Variants in TRPM3 observed in about 807,000 individuals in gnomAD.
The protein encoded by TRPM3 is transient receptor potential cation channel subfamily M member 3.
Under a neutral mutation model 181.2 loss-of-function variants are expected in TRPM3, and 77 were observed. The observed-to-expected ratio is 0.42, with a 90% confidence interval of 0.35 to 0.51. The LOEUF (loss-of-function observed/expected upper bound fraction) is 0.51, where lower values mean the gene tolerates loss of function less well. Ranked by LOEUF, TRPM3 falls within the 20% of genes least tolerant of loss-of-function variation. The pLI, the probability that TRPM3 is intolerant of heterozygous loss-of-function variation, is 0.01. For synonymous variants in TRPM3, 745 were observed against 796.4 expected (o/e 0.94, Z 1.09); for missense variants, 1,759 against 2,196.7 (o/e 0.80, Z 3.98).
intron 6 of TRPM3, among the ~76,000 whole-genome samples, chr9:70,788,805 C>G (rs571344464): frequency 6.6e-6 from 1 of 152,064 alleles, no homozygotes; most frequent in Non-Finnish European, 1.5e-5. Context: ...ATAAGGAGCA[C>G]GCAACCTAGA....
At chr9:70,831,682 T>C (rs2131759080) in intron 5 of TRPM3, among the ~76,000 whole-genome samples, 2 of 151,934 alleles carry the variant, frequency 1.3e-5, no homozygotes, top group Middle Eastern at 3.4e-3. Flanking sequence ...CTGAATGGTG[T>C]CTGAAAGGGC....
chr9:70,564,819 C>T (rs955568931), intron 22 of TRPM3, among the ~76,000 whole-genome samples: 23 of 152,184 alleles, frequency 1.5e-4, no homozygotes, highest in African/African-American at 5.5e-4. Context: ...CAATGTGGCT[C>T]CTAATATTCA....
At chr9:71,070,173 G>T (rs1023179147) in intron 1 of TRPM3, among the ~76,000 whole-genome samples, 1 of 152,178 alleles carries the variant, frequency 6.6e-6, no homozygotes, top group Non-Finnish European at 1.5e-5. Context: ...TCAGTAATTT[G>T]TTTCTGAAAT....
intron 24 of TRPM3, 100 bp from the exon 25 acceptor site, chr9:70,549,774 G>C: frequency 7.9e-7 from 1 of 1,258,128 alleles, no homozygotes; most frequent in Non-Finnish European, 1.1e-6. Context: ...ATCTAGGTGG[G>C]AAAAGGGGCC....
At chr9:71,301,243 A>G (rs1316984847) in intron 1 of TRPM3, among the ~76,000 whole-genome samples, 1 of 152,146 alleles carries the variant, frequency 6.6e-6, no homozygotes, top group Non-Finnish European at 1.5e-5. Context: ...CACCCTGTCC[A>G]AGAGCACCCA....
intron 1 of TRPM3, among the ~76,000 whole-genome samples, chr9:71,352,451 T>C (rs2091695343): frequency 1.3e-5 from 2 of 152,162 alleles, no homozygotes; most frequent in African/African-American, 2.4e-5. Context: ...TGATTCTCTG[T>C]TTATGTTCTT....
At chr9:71,404,359 T>C (rs896209298) in intron 1 of TRPM3, among the ~76,000 whole-genome samples, 1 of 152,240 alleles carries the variant, frequency 6.6e-6, no homozygotes, top group Non-Finnish European at 1.5e-5. Context: ...CTTAATCAGA[T>C]GCATTTCCAC....
chr9:71,269,668 T>A (rs570695637), intron 1 of TRPM3, among the ~76,000 whole-genome samples: 118 of 152,334 alleles, frequency 7.7e-4, no homozygotes, highest in African/African-American at 2.2e-3. Flanking sequence ...GAGTGAGTGA[T>A]GCCCTACATC....
chr9:71,291,572 C>A (rs905054168), intron 1 of TRPM3, among the ~76,000 whole-genome samples: 3 of 152,058 alleles, frequency 2.0e-5, no homozygotes, highest in African/African-American at 7.2e-5. Context: ...TCAAAATAGA[C>A]CCTAAGGCAA....
rs547864987 is a variant in TRPM3 at position 70,661,955 on chromosome 9, C to A, written c.1345+19551G>T. Among the ~76,000 whole-genome samples, 130 of 152,194 alleles carry A rather than the reference C, an allele frequency of 8.5e-4. 1 individual carries two copies. Among genetic ancestry groups the A allele is most frequent in the Non-Finnish European group, 2.9e-4 (20 of 67,972 alleles). On this transcript the variant is annotated intron_variant, in intron 9 of 25. Coordinates refer to ENST00000677713, the MANE Select transcript of TRPM3 (RefSeq NM_001366145.2). ...TCATATGGAAGCAAAAAAGATCCCA[C>A]ATAGCCAAAGAAATACTAAGCTGAA... is the stretch of plus-strand genomic sequence containing the variant.
intron 1 of TRPM3, among the ~76,000 whole-genome samples, chr9:71,364,387 C>A (rs1337447326): frequency 6.6e-6 from 1 of 152,226 alleles, no homozygotes; most frequent in South Asian, 2.1e-4. Flanking sequence ...AAATGGGATA[C>A]TCTTCTGGAC....
chr9:70,941,669 A>G (rs539662995), intron 1 of TRPM3, among the ~76,000 whole-genome samples: 3 of 152,308 alleles, frequency 2.0e-5, no homozygotes, highest in South Asian at 2.1e-4. Context: ...TTGTTGATAC[A>G]TAAGTGGAGG....
intron 1 of TRPM3, among the ~76,000 whole-genome samples, chr9:71,198,391 T>C (rs1474932624): frequency 2.0e-5 from 3 of 152,136 alleles, no homozygotes; most frequent in Admixed American, 2.0e-4. Flanking sequence ...TAAAGTAGCT[T>C]TTTCTAATTC....
Position 70,537,159 on chromosome 9 carries a change from C to G in TRPM3, c.3954G>C (p.Gly1318=), listed in dbSNP as rs755214185. 1 of 1,587,968 alleles carries G rather than the reference C, an allele frequency of 6.3e-7. No homozygotes were observed. The highest frequency in any genetic ancestry group is 8.6e-7 in the Non-Finnish European group (1 of 1,161,334). ...TACTCTCTTGGAGCTTGAAGGTGTT[C>G]CCTTCCTGGCTGTTGAAGCTGCTCT... ...VRQSSFNSQE[G]NTFKLQESID... is the part of the protein sequence containing the mutation. The change falls in exon 26 of 26, where the codon GGG becomes GGC. Residue 1318 remains glycine (G), a synonymous_variant. Transcript: ENST00000677713.
intron 6 of TRPM3, among the ~76,000 whole-genome samples, chr9:70,789,039 C>G (rs1056171589): frequency 2.0e-5 from 3 of 152,292 alleles, no homozygotes; most frequent in Admixed American, 2.0e-4. Flanking sequence ...ATATCACCCC[C>G]ACTCTCTCTC....
At chr9:70,626,817 T>G (rs933887969) in intron 12 of TRPM3, among the ~76,000 whole-genome samples, 15 of 152,286 alleles carry the variant, frequency 9.8e-5, no homozygotes, top group Non-Finnish European at 1.5e-5. Context: ...CTTACTCAGC[T>G]TTTCTATGGG....
intron 1 of TRPM3, among the ~76,000 whole-genome samples, chr9:71,060,296 C>T (rs904042646): frequency 2.6e-5 from 4 of 152,088 alleles, no homozygotes; most frequent in African/African-American, 9.7e-5. Flanking sequence ...AGCCTCAAAG[C>T]TCCTATCCAG....
chr9:71,189,561 C>T (rs373711743), intron 1 of TRPM3, among the ~76,000 whole-genome samples: 1 of 151,758 alleles, frequency 6.6e-6, no homozygotes, highest in African/African-American at 2.4e-5. Context: ...CACTCCCACG[C>T]TCCATTCTAC....
chr9:70,992,621 G>A (rs1157496242), intron 1 of TRPM3, among the ~76,000 whole-genome samples: 1 of 152,180 alleles, frequency 6.6e-6, no homozygotes, highest in Non-Finnish European at 1.5e-5. Context: ...TGTGTGTACT[G>A]AGCACATGAA....
Sources: allele counts gnomAD v4.1 joint callset (sites outside exome capture counted in the v4.1 genomes callset), GRCh38; gene constraint gnomAD v4.1.1; transcripts MANE v1.5; gene names NCBI Gene and HGNC (gene_info 2026-07-23, HGNC 2026-07-21).